Variants in RADX observed in about 807,000 individuals in gnomAD.
The protein encoded by RADX is RPA-related protein RADX.
A neutral mutation model predicts 61.6 loss-of-function variants in RADX; 36 were observed. The observed-to-expected ratio is 0.58, with a 90% CI of 0.45 to 0.77. The LOEUF is 0.77. Among genes scored for constraint, RADX ranks in the 30% least tolerant of loss-of-function variants. RADX has a pLI of 0.00. For synonymous variants in RADX, 272 were observed against 237.9 expected (o/e 1.14, Z -1.32); for missense variants, 497 against 651.1 (o/e 0.76, Z 2.58).
At chrX:106,624,184 C>T (rs1350289616) in intron 2 of RADX, among the ~76,000 whole-genome samples, 1 of 111,842 alleles carries the variant, frequency 8.9e-6, no homozygotes, top group Non-Finnish European at 1.9e-5. Flanking sequence ...AGATTCAGTT[C>T]AGTGCTTACC....
chrX:106,617,228 G>A (rs931171146), intron 1 of RADX, among the ~76,000 whole-genome samples: 2 of 108,601 alleles, frequency 1.8e-5, no homozygotes, highest in Non-Finnish European at 3.8e-5. Flanking sequence ...GTTTCACCAT[G>A]TTGGCCAGGC....
intron 3 of RADX, among the ~76,000 whole-genome samples, chrX:106,630,671 C>G (rs750493956): frequency 9.0e-6 from 1 of 110,509 alleles, no homozygotes; most frequent in South Asian, 3.9e-4. Context: ...GAACAAAAAA[C>G]CAAATACCAC....
At chrX:106,648,906 G>C (rs1331190973) in intron 11 of RADX, among the ~76,000 whole-genome samples, 1 of 110,175 alleles carries the variant, frequency 9.1e-6, no homozygotes, top group Non-Finnish European at 1.9e-5. Flanking sequence ...GTGTTATTTT[G>C]TTTTCATCCT....
At chrX:106,642,874 C>T (rs897006740) in intron 10 of RADX, among the ~76,000 whole-genome samples, 3 of 111,766 alleles carry the variant, frequency 2.7e-5, no homozygotes, top group African/African-American at 6.5e-5. Flanking sequence ...CCACCAACAA[C>T]GTACAGAGTT....
intron 13 of RADX, among the ~76,000 whole-genome samples, chrX:106,670,189 T>A (rs1928331567): frequency 9.0e-6 from 1 of 111,081 alleles, no homozygotes; most frequent in Non-Finnish European, 1.9e-5. Context: ...ATGATTTTTT[T>A]TTTATTTTTC....
At chrX:106,648,772 G>A (rs753564692) in intron 11 of RADX, among the ~76,000 whole-genome samples, 23 of 110,865 alleles carry the variant, frequency 2.1e-4, no homozygotes, top group Non-Finnish European at 2.5e-4. Context: ...TTTCTGAAGT[G>A]ATTTCGTAAT....
In RADX at chrX:106,639,618, A is replaced by G; in HGVS notation, c.1665A>G (p.Ile555Met). 1 of 1,205,362 alleles carries G rather than the reference A, an allele frequency of 8.3e-7. No individual in the cohort carries two copies. The highest frequency in any genetic ancestry group is 1.7e-5 in the African/African-American group (1 of 57,370). Residue 555 changes from isoleucine (I) to methionine (M), a missense_variant, in exon 9 of 14, where the codon ATA (isoleucine) becomes ATG (methionine). This residue lies in a region of RADX where 267 missense variants were observed against 306.9 expected (regional missense o/e 0.87). Coordinates refer to ENST00000372548, the MANE Select transcript of RADX (RefSeq NM_018015.6). ...REQKRIAIQG[I>M]ITAIKYIPHS... ...AAAAGCGCATTGCAATTCAGGGGATAATTACTGCTATAAAGTATATCCCCC... is the reference window on the plus strand; with the variant it reads ...AAAAGCGCATTGCAATTCAGGGGATGATTACTGCTATAAAGTATATCCCCC...
intron 10 of RADX, among the ~76,000 whole-genome samples, chrX:106,640,941 T>G (rs1927498037): frequency 9.0e-6 from 1 of 110,824 alleles, no homozygotes; most frequent in African/African-American, 3.3e-5. Flanking sequence ...CCCTCAGGGC[T>G]GCGAGAGAGA....
intron 11 of RADX, among the ~76,000 whole-genome samples, chrX:106,651,636 G>C (rs1927794908): frequency 9.0e-6 from 1 of 111,310 alleles, no homozygotes; most frequent in Non-Finnish European, 1.9e-5. Flanking sequence ...TACTATTTAA[G>C]GTGAAATGGA....
chrX:106,648,777 C>T (rs1399879193), intron 11 of RADX, among the ~76,000 whole-genome samples: 5 of 110,655 alleles, frequency 4.5e-5, no homozygotes, highest in Admixed American at 9.6e-5. Context: ...GAAGTGATTT[C>T]GTAATACAAT....
chrX:106,662,696 C>A (rs1603058777), intron 12 of RADX, among the ~76,000 whole-genome samples: 4 of 79,067 alleles, frequency 5.1e-5, no homozygotes, highest in Admixed American at 1.5e-4. Context: ...GAATACTAAT[C>A]AAAAGAAGCC....
intron 13 of RADX, among the ~76,000 whole-genome samples, chrX:106,672,668 A>C (rs775776633): frequency 5.4e-5 from 6 of 111,723 alleles, no homozygotes; most frequent in Non-Finnish European, 9.4e-5. Flanking sequence ...CTAGGGCTCT[A>C]TAGTCAGGCG....
intron 9 of RADX, chrX:106,639,954 C>T (rs2147624056): frequency 6.1e-6 from 1 of 164,449 alleles, no homozygotes; most frequent in East Asian, 1.2e-4. Context: ...CAGACTAGGC[C>T]AATAATGATT....
At chrX:106,617,957 A>G (rs992850145) in intron 1 of RADX, among the ~76,000 whole-genome samples, 1 of 112,383 alleles carries the variant, frequency 8.9e-6, no homozygotes, top group African/African-American at 3.2e-5. Context: ...AAAGGTTGCA[A>G]AGATAAAGAA....
At chrX:106,622,447 A>G (rs1926975289) in intron 1 of RADX, among the ~76,000 whole-genome samples, 1 of 110,719 alleles carries the variant, frequency 9.0e-6, no homozygotes, top group African/African-American at 3.3e-5. Context: ...CCAGGCACAT[A>G]GTAAGCCCTA....
In RADX at chrX:106,636,532, T is replaced by C; in HGVS notation, c.1304-11T>C. The C allele has an allele frequency of 9.3e-7, 1 of 1,078,017 alleles. No individual in the cohort carries two copies. Among genetic ancestry groups the C allele is most frequent in the Non-Finnish European group, 1.3e-6 (1 of 781,434 alleles). 88.8% of individuals were successfully genotyped at this position (1,078,017 alleles called of 1,213,427 possible). A position where few individuals can be genotyped will look rare whatever the true frequency, so the allele number is the denominator to read the frequency against. ...TGGAAAAGTAATTTCATAAGTGTTT[T>C]TGTTCTCTAGTGGCATATTTTGTGT... On this transcript the variant is annotated splice_polypyrimidine_tract_variant and intron_variant, in intron 6 of 13. Coordinates refer to ENST00000372548, the MANE Select transcript of RADX (RefSeq NM_018015.6).
Position 106,639,585 on chromosome X carries a change from T to C in RADX, c.1632T>C (p.Tyr544=), listed in dbSNP as rs1927453973. 5 of 1,204,942 alleles carry C rather than the reference T, an allele frequency of 4.1e-6. No individual in the cohort carries two copies. Among genetic ancestry groups the C allele is most frequent in the Non-Finnish European group, 5.6e-6 (5 of 891,617 alleles). Residue 544 remains tyrosine, a synonymous_variant, in exon 9 of 14, where the codon TAT becomes TAC. Coordinates refer to ENST00000372548, the MANE Select transcript of RADX (RefSeq NM_018015.6). ...EVRKEIEDLQ[Y]REQKRIAIQG... The stretch of plus-strand genomic sequence containing the variant: ...GGAAGGAGATTGAAGACTTGCAGTA[T>C]AGGGAACAAAAGCGCATTGCAATTC...
At chrX:106,626,762 T>G (rs894661455) in intron 3 of RADX, among the ~76,000 whole-genome samples, 7 of 112,364 alleles carry the variant, frequency 6.2e-5, no homozygotes, top group African/African-American at 1.9e-4. Flanking sequence ...TTGGTGATAA[T>G]ATATTTAAAA....
In RADX at chrX:106,670,035, T is replaced by C. The variant is rs963864163; in HGVS notation, c.2437+705T>C. 4.4e-4 allele frequency among the ~76,000 whole-genome samples: 49 copies of C among 111,740 alleles called. 1 individual carries two copies. Among genetic ancestry groups the C allele is most frequent in the Non-Finnish European group, 4.5e-4 (24 of 53,084 alleles). On this transcript the variant is annotated intron_variant, in intron 13 of 13. Coordinates refer to ENST00000372548, the MANE Select transcript of RADX (RefSeq NM_018015.6). ...AAGAAAGGCCTTATTATCTTGGGAT[T>C]TTGTGGTGGGTCTTTCTAAGCTGAT... is the stretch of plus-strand genomic sequence containing the variant.
Sources: allele counts gnomAD v4.1 joint callset (sites outside exome capture counted in the v4.1 genomes callset), GRCh38; gene constraint gnomAD v4.1.1; regional missense constraint gnomAD v4.1.1; transcripts MANE v1.5; gene names NCBI Gene and HGNC (gene_info 2026-07-23, HGNC 2026-07-21).